Variants in CDKAL1 observed in about 807,000 individuals in gnomAD.
The protein encoded by CDKAL1 is threonylcarbamoyladenosine tRNA methylthiotransferase.
A neutral mutation model predicts 68.2 loss-of-function variants in CDKAL1; 32 were observed. That is an observed-to-expected ratio of 0.47 (90% confidence interval 0.35 to 0.63). CDKAL1 has a LOEUF of 0.63. CDKAL1 is among the 30% of genes least tolerant of loss of function. The pLI is 0.00. For synonymous variants in CDKAL1, 234 were observed against 244.3 expected (o/e 0.96, Z 0.39); for missense variants, 606 against 696.7 (o/e 0.87, Z 1.47).
At chr6:20,650,168 T>C (rs1768686958) in intron 5 of CDKAL1, among the ~76,000 whole-genome samples, 1 of 152,210 alleles carries the variant, frequency 6.6e-6, no homozygotes, top group Admixed American at 6.5e-5. Flanking sequence ...TTAATTAATT[T>C]ACATTCCCAC....
chr6:21,222,355 T>C (rs1779570670), intron 15 of CDKAL1, among the ~76,000 whole-genome samples: 1 of 152,202 alleles, frequency 6.6e-6, no homozygotes, highest in Admixed American at 6.5e-5. Context: ...ACAGAAAGGC[T>C]GACAGTATTG....
chr6:20,754,824 T>G lies in CDKAL1; in HGVS notation c.469-3771T>G, dbSNP rs180786755. 1.8e-3 allele frequency among the ~76,000 whole-genome samples: 274 copies of G among 152,320 alleles called. 1 individual carries two copies. The highest frequency in any genetic ancestry group is 2.2e-3 in the Non-Finnish European group (152 of 68,022). The stretch of plus-strand genomic sequence containing the variant: ...ATGATATCCAATTTATTTTTTCTTT[T>G]GTTGTTTTTGTTGTTTGTGCTTTGG... On this transcript the variant is annotated intron_variant, in intron 6 of 15. Coordinates refer to ENST00000274695, the MANE Select transcript of CDKAL1 (RefSeq NM_017774.3).
intron 8 of CDKAL1, among the ~76,000 whole-genome samples, chr6:20,812,052 A>G (rs1581627765): frequency 6.6e-6 from 1 of 152,264 alleles, no homozygotes; most frequent in African/African-American, 2.4e-5. Flanking sequence ...AAGGATTGCA[A>G]AATTTTGATA....
chr6:21,201,389 G>A, intron 15 of CDKAL1, 115 bp downstream of exon 15: 1 of 851,706 alleles, frequency 1.2e-6, no homozygotes, highest in South Asian at 2.2e-5. Context: ...ATGTATGCAT[G>A]AGGCTTTAAT....
chr6:20,902,822 G>A (rs746089633), intron 9 of CDKAL1, among the ~76,000 whole-genome samples: 4 of 152,168 alleles, frequency 2.6e-5, no homozygotes, highest in East Asian at 1.9e-4. Context: ...GTGACGGCAG[G>A]TCATTTGGGT....
intron 5 of CDKAL1, among the ~76,000 whole-genome samples, chr6:20,667,035 A>G (rs145792731): frequency 6.6e-6 from 1 of 152,128 alleles, no homozygotes. Context: ...TTAAATATGT[A>G]TGGTGTGTCT....
At position 21,065,171 on chromosome 6, in the gene CDKAL1, A is replaced by G. The variant is rs368315380; in HGVS notation, c.1179A>G (p.Gln393=). ...AATTCCCAAGCCTGTTTATTAACCA[A>G]TTTTACCCAAGACCAGGAACTCCTG... ...EYKFPSLFIN[Q]FYPRPGTPAA... The change falls in exon 12 of 16, where the codon CAA becomes CAG. Residue 393 remains glutamine, a synonymous_variant. Coordinates refer to ENST00000274695, the MANE Select transcript of CDKAL1 (RefSeq NM_017774.3). The G allele has an allele frequency of 5.0e-6, 8 of 1,609,212 alleles. No individual in the cohort carries two copies. Among genetic ancestry groups the G allele is most frequent in the Admixed American group, 1.7e-5 (1 of 59,304 alleles).
intron 12 of CDKAL1, among the ~76,000 whole-genome samples, chr6:21,072,676 C>CTTTTTTTTTTTTTTTTT (rs66763305): frequency 1.5e-5 from 2 of 131,196 alleles, no homozygotes; most frequent in Non-Finnish European, 3.2e-5. Flanking sequence ...AATAGAGTAT[C>CTTTTTTTTTTTTTTTTT]TTTTTTTTTT....
intron 8 of CDKAL1, among the ~76,000 whole-genome samples, chr6:20,842,768 T>A (rs1319786765): frequency 6.6e-6 from 1 of 151,866 alleles, no homozygotes; most frequent in Non-Finnish European, 1.5e-5. Context: ...GAGGCAGAGG[T>A]TGCAGTGAGC....
chr6:21,186,594 T>A (rs1778024577), intron 13 of CDKAL1, among the ~76,000 whole-genome samples: 1 of 152,168 alleles, frequency 6.6e-6, no homozygotes, highest in Non-Finnish European at 1.5e-5. Context: ...TTAGAGATGC[T>A]GTGGTCAACC....
chr6:20,676,415 C>T (rs1392439944), intron 5 of CDKAL1, among the ~76,000 whole-genome samples: 1 of 152,126 alleles, frequency 6.6e-6, no homozygotes, highest in Admixed American at 6.5e-5. Context: ...TGCCTGTAAT[C>T]CCAACACTTT....
chr6:21,069,804 T>TTTTTAAAAA (rs60342057), intron 12 of CDKAL1, among the ~76,000 whole-genome samples: 2 of 85,516 alleles, frequency 2.3e-5, no homozygotes, highest in South Asian at 4.4e-4. Flanking sequence ...TTTTTTTTTT[T>TTTTTAAAAA]AAAACAGAGC....
intron 5 of CDKAL1, among the ~76,000 whole-genome samples, chr6:20,684,201 G>T (rs1241541013): frequency 6.6e-6 from 1 of 152,192 alleles, no homozygotes; most frequent in Admixed American, 6.5e-5. Context: ...CCGCACTTTG[G>T]GAGGCCAAGG....
intron 12 of CDKAL1, among the ~76,000 whole-genome samples, chr6:21,101,339 A>C (rs943104267): frequency 8.5e-5 from 13 of 152,180 alleles, no homozygotes; most frequent in Admixed American, 6.5e-5. Flanking sequence ...CAGAAGACCA[A>C]TTAAGTCAGA....
rs150908319 is a variant in CDKAL1, at chr6:21,115,021, A to G, written c.1299+6558A>G. Among the ~76,000 whole-genome samples, 21 of 152,334 alleles carry G rather than the reference A, an allele frequency of 1.4e-4. No homozygotes were observed. In the East Asian group the frequency reaches 4.0e-3, roughly 29 times the overall value. On this transcript the variant is annotated intron_variant, in intron 13 of 15. Transcript: ENST00000274695. The stretch of plus-strand genomic sequence containing the variant: ...TCTACAGCTTTGGGCAGAGGCATAC[A>G]GCAAAAATCTATATCAAAAGCCTTG...
chr6:20,691,180 C>T (rs542025860), intron 5 of CDKAL1, among the ~76,000 whole-genome samples: 1 of 152,260 alleles, frequency 6.6e-6, no homozygotes, highest in East Asian at 1.9e-4. Context: ...ATTGTCCTGT[C>T]TCTTGCCTTT....
chr6:21,050,378 G>A (rs1313246793), intron 11 of CDKAL1, among the ~76,000 whole-genome samples: 1 of 152,204 alleles, frequency 6.6e-6, no homozygotes, highest in Non-Finnish European at 1.5e-5. Flanking sequence ...GTTATAGCTT[G>A]TACCTGTGTT....
At chr6:20,919,564 C>G (rs576469141) in intron 9 of CDKAL1, among the ~76,000 whole-genome samples, 1 of 152,014 alleles carries the variant, frequency 6.6e-6, no homozygotes, top group African/African-American at 2.4e-5. Flanking sequence ...TAAGAATATG[C>G]GGTGTTTGGT....
At chr6:20,756,876 CTTCCTTCCTTCCTT>C (rs1561750211) in intron 6 of CDKAL1, 13 of 74,508 alleles carry the variant, frequency 1.7e-4, no homozygotes, top group African/African-American at 5.9e-4. Flanking sequence ...TCCTTCCTTC[CTTCCTTCCTTCCTT>C]CCTTCCTTCC....
Sources: allele counts gnomAD v4.1 joint callset (sites outside exome capture counted in the v4.1 genomes callset), GRCh38; gene constraint gnomAD v4.1.1; transcripts MANE v1.5; gene names NCBI Gene and HGNC (gene_info 2026-07-23, HGNC 2026-07-21).